CABLES1: variants seen among roughly 807,000 people sequenced by gnomAD.
CABLES1 encodes CDK5 and ABL1 enzyme substrate 1.
CABLES1 carries 36 observed loss-of-function variants against 57.8 expected under a neutral mutation model. That is an observed-to-expected ratio of 0.62 (90% CI 0.48 to 0.82). CABLES1 has a LOEUF of 0.82. Ranked by LOEUF, CABLES1 falls within the 40% of genes least tolerant of loss-of-function variation. CABLES1 has a pLI of 0.00. For missense variants in CABLES1, 767 were observed against 836.6 expected (o/e 0.92, Z 1.03); for synonymous variants, 374 against 363.0 (o/e 1.03, Z -0.35).
chr18:23,147,530 G>T (rs999818386), intron 1 of CABLES1, among the ~76,000 whole-genome samples: 5 of 152,212 alleles, frequency 3.3e-5, no homozygotes, highest in South Asian at 2.1e-4. Context: ...TGTCCAAGAA[G>T]CCGTTGAGAA....
intron 7 of CABLES1, among the ~76,000 whole-genome samples, chr18:23,252,085 C>CAA (rs1000418698): frequency 9.7e-5 from 7 of 72,318 alleles, no homozygotes; most frequent in Admixed American, 4.6e-4. Context: ...GACTCCGTCT[C>CAA]AAAAAAAAAA....
chr18:23,152,415 C>T (rs1446450207), intron 1 of CABLES1, among the ~76,000 whole-genome samples: 1 of 151,738 alleles, frequency 6.6e-6, no homozygotes, highest in African/African-American at 2.4e-5. Flanking sequence ...TGGAGATTTT[C>T]CTTTTTCTCC....
intron 7 of CABLES1, among the ~76,000 whole-genome samples, chr18:23,243,708 T>TA (rs1258836971): frequency 6.6e-6 from 1 of 151,748 alleles, no homozygotes. Flanking sequence ...CCGTCTCTAC[T>TA]AAAAAATACA....
chr18:23,146,676 G>A (rs1416252885), intron 1 of CABLES1, among the ~76,000 whole-genome samples: 1 of 152,198 alleles, frequency 6.6e-6, no homozygotes, highest in African/African-American at 2.4e-5. Flanking sequence ...TTTGTTTGAT[G>A]CTTAACAGCT....
intron 7 of CABLES1, among the ~76,000 whole-genome samples, chr18:23,249,151 C>T (rs574927483): frequency 1.3e-5 from 2 of 152,258 alleles, no homozygotes; most frequent in Non-Finnish European, 2.9e-5. Flanking sequence ...AACCACAGCC[C>T]TTGCTCCAGC....
intron 7 of CABLES1, among the ~76,000 whole-genome samples, chr18:23,251,211 GGGAGGC>G (rs2048028552): frequency 6.6e-6 from 1 of 152,200 alleles, no homozygotes; most frequent in African/African-American, 2.4e-5. Flanking sequence ...CCAGCACTTT[GGGAGGC>G]AGAGGCAGGT....
At chr18:23,162,165 CAAAAAAA>C (rs540759219) in intron 1 of CABLES1, among the ~76,000 whole-genome samples, 1 of 84,230 alleles carries the variant, frequency 1.2e-5, no homozygotes, top group Admixed American at 1.1e-4. Context: ...AACCCTGTCT[CAAAAAAA>C]AAACAACAAA....
At chr18:23,217,876 T>TC (rs2047453616) in intron 4 of CABLES1, among the ~76,000 whole-genome samples, 1 of 152,238 alleles carries the variant, frequency 6.6e-6, no homozygotes, top group Admixed American at 6.5e-5. Context: ...GCTTCGCAGC[T>TC]GAGGCACAGT....
intron 1 of CABLES1, among the ~76,000 whole-genome samples, chr18:23,175,991 T>C (rs1024959949): frequency 2.6e-5 from 4 of 152,206 alleles, no homozygotes; most frequent in Admixed American, 2.0e-4. Flanking sequence ...GATATGAATA[T>C]TTCCAAATGT....
intron 4 of CABLES1, among the ~76,000 whole-genome samples, chr18:23,221,821 G>A (rs113639602): frequency 0.012 from 1,822 of 152,260 alleles, 39 homozygotes; most frequent in East Asian, 0.035. Flanking sequence ...TGCCACAGTG[G>A]TTCACCAAAA....
chr18:23,138,023 A>G (rs903206074), intron 1 of CABLES1, among the ~76,000 whole-genome samples: 1 of 152,188 alleles, frequency 6.6e-6, no homozygotes, highest in African/African-American at 2.4e-5. Flanking sequence ...TGGGCAGCTC[A>G]GTATTACCGC....
intron 1 of CABLES1, among the ~76,000 whole-genome samples, chr18:23,182,642 G>C (rs538483093): frequency 1.3e-5 from 2 of 152,186 alleles, no homozygotes; most frequent in African/African-American, 4.8e-5. Context: ...ATCAATCTAC[G>C]CTACTTTCTC....
intron 4 of CABLES1, among the ~76,000 whole-genome samples, chr18:23,227,726 A>G (rs1469657260): frequency 1.3e-5 from 2 of 152,164 alleles, no homozygotes; most frequent in Non-Finnish European, 2.9e-5. Flanking sequence ...CTTCCGGCCC[A>G]TGTGTAATCT....
At chr18:23,254,274 G>A (rs149048872) in intron 9 of CABLES1, among the ~76,000 whole-genome samples, 21 of 152,328 alleles carry the variant, frequency 1.4e-4, no homozygotes, top group African/African-American at 4.6e-4. Context: ...AGCATCTAAT[G>A]TCAAACAGGT....
intron 3 of CABLES1, chr18:23,197,401 G>A: frequency 6.6e-6 from 1 of 151,014 alleles, no homozygotes; most frequent in East Asian, 2.0e-4. Context: ...GATGGAGTTT[G>A]CCTTCTGTAA....
chr18:23,225,075 C>A (rs987332271), intron 4 of CABLES1, among the ~76,000 whole-genome samples: 1 of 152,118 alleles, frequency 6.6e-6, no homozygotes. Flanking sequence ...CCATGCTGCC[C>A]AGGCTGGTCT....
intron 1 of CABLES1, among the ~76,000 whole-genome samples, chr18:23,166,052 G>T (rs545383405): frequency 6.6e-6 from 1 of 152,064 alleles, no homozygotes; most frequent in Non-Finnish European, 1.5e-5. Context: ...TTACTAAATC[G>T]CAAGTAGTCA....
intron 1 of CABLES1, among the ~76,000 whole-genome samples, chr18:23,184,575 C>T (rs147938600): frequency 1.8e-4 from 27 of 152,114 alleles, no homozygotes; most frequent in African/African-American, 5.5e-4. Flanking sequence ...TGGTCGCGCG[C>T]ACCTGTAATC....
upstream of CABLES1, chr18:23,135,358 C>G (rs1208975834): frequency 6.6e-6 from 1 of 152,452 alleles, no homozygotes; most frequent in Non-Finnish European, 1.5e-5. Context: ...GCGGCCGCCG[C>G]CTGCGGCTTT....
Sources: allele counts gnomAD v4.1 joint callset (sites outside exome capture counted in the v4.1 genomes callset), GRCh38; gene constraint gnomAD v4.1.1; transcripts MANE v1.5; gene names NCBI Gene and HGNC (gene_info 2026-07-23, HGNC 2026-07-21).